CEP97: variants seen among roughly 807,000 people sequenced by gnomAD.
The protein encoded by CEP97 is centrosomal protein of 97 kDa.
A neutral mutation model predicts 73.1 loss-of-function variants in CEP97; 43 were observed. The observed-to-expected ratio is 0.59, with a 90% CI of 0.46 to 0.76. CEP97 has a LOEUF of 0.76. Ranked by LOEUF, CEP97 falls within the 30% of genes least tolerant of loss-of-function variation. The pLI is 0.00. For synonymous variants in CEP97, 337 were observed against 370.0 expected, an observed-to-expected ratio of 0.91 and a Z score of 1.02; for missense variants, 939 against 1,014.0, an observed-to-expected ratio of 0.93 and a Z score of 1.00.
At chr3:101,736,993 A>G (rs1938299793) in intron 6 of CEP97, among the ~76,000 whole-genome samples, 1 of 152,224 alleles carries the variant, frequency 6.6e-6, no homozygotes, top group Non-Finnish European at 1.5e-5. Flanking sequence ...TAGAGAGAAC[A>G]TAAATGACCT....
chr3:101,756,955 C>A, intron 7 of CEP97, 108 bp from the exon 8 acceptor site: 2 of 1,024,368 alleles, frequency 2.0e-6, no homozygotes, highest in Non-Finnish European at 2.8e-6. Flanking sequence ...AAAGTACCTA[C>A]TTTGAGAACT....
intron 7 of CEP97, among the ~76,000 whole-genome samples, chr3:101,756,448 C>G (rs534773236): frequency 5.3e-5 from 8 of 151,810 alleles, no homozygotes; most frequent in Non-Finnish European, 1.0e-4. Context: ...CTTGCATCTT[C>G]AGTCTCCTGG....
rs1463985798 is a variant in CEP97 at position 101,757,155 on chromosome 3, A to G, written c.986A>G (p.His329Arg). Reference sequence around the variant, plus strand: ...ACAAGGGCATCCCTTATTCCTGAGCATTCAAGCCCTGTTCAAGATTGCCAG... The same window carrying G: ...ACAAGGGCATCCCTTATTCCTGAGCGTTCAAGCCCTGTTCAAGATTGCCAG... Reference protein sequence around the residue: ...VETRASLIPEHSSPVQDCQIS... With the variant: ...VETRASLIPERSSPVQDCQIS... The change falls in exon 8 of 11, where the codon CAT becomes CGT. Residue 329 changes from histidine to arginine, a missense_variant. By Grantham distance (29) the His-to-Arg change is conservative. Coordinates refer to ENST00000341893, the MANE Select transcript of CEP97 (RefSeq NM_024548.4). 6.2e-7 allele frequency: 1 copy of G among 1,612,186 alleles called. No homozygotes were observed. The highest frequency in any genetic ancestry group is 1.1e-5 in the South Asian group (1 of 90,546).
At chr3:101,739,837 G>A (rs779445992) in intron 6 of CEP97, among the ~76,000 whole-genome samples, 27 of 151,370 alleles carry the variant, frequency 1.8e-4, no homozygotes, top group East Asian at 1.2e-3. Context: ...CCCGGGAGGC[G>A]TAGTTTGCAG....
In CEP97 at chr3:101,733,126, A is replaced by T. The variant is rs183973850; in HGVS notation, c.728+472A>T. Among the ~76,000 whole-genome samples the T allele has an allele frequency of 4.9e-4, 74 of 152,126 alleles. No individual in the cohort carries two copies. In the East Asian group the frequency reaches 0.014, roughly 29 times the overall value. The stretch of plus-strand genomic sequence containing the variant: ...TGACAGAGTGAGACCCTGTCTCTGA[A>T]AAAAAAAGAAGAAATCTCGGCCCCA... On this transcript the variant is annotated intron_variant, in intron 6 of 10. Coordinates refer to ENST00000341893, the MANE Select transcript of CEP97 (RefSeq NM_024548.4).
Position 101,769,312 on chromosome 3 carries a change from C to T in CEP97, c.*3761C>T. The T allele has an allele frequency of 6.7e-6, 1 of 150,212 alleles. No individual in the cohort carries two copies. Among genetic ancestry groups the T allele is most frequent in the African/African-American group, 2.5e-5 (1 of 40,784 alleles). The allele number at this position is 150,212 out of a possible 1,614,324, so 9.3% of individuals were successfully genotyped here. A position where few individuals can be genotyped will look rare whatever the true frequency, so the allele number is the denominator to read the frequency against. On this transcript the variant is annotated 3_prime_UTR_variant, in exon 11 of 11. Coordinates refer to ENST00000341893, the MANE Select transcript of CEP97 (RefSeq NM_024548.4). ...TCTCCATCATAAAGGAAAGAAGAGA[C>T]TTCATTGTGTGTGTGTTTTTTTTTT... is the stretch of plus-strand genomic sequence containing the variant.
chr3:101,755,277 G>T (rs141910043), intron 6 of CEP97, among the ~76,000 whole-genome samples, 153 bp from the exon 7 acceptor site: 67 of 152,238 alleles, frequency 4.4e-4, no homozygotes, highest in African/African-American at 1.6e-3. Flanking sequence ...GAGTCAGAAT[G>T]ATAGATTTTT....
chr3:101,752,997 G>A (rs1938883037), intron 6 of CEP97, among the ~76,000 whole-genome samples: 8 of 152,264 alleles, frequency 5.3e-5, no homozygotes, highest in Admixed American at 2.0e-4. Flanking sequence ...CAGTTTTTCT[G>A]CTCTGTTTTT....
intron 6 of CEP97, among the ~76,000 whole-genome samples, chr3:101,753,061 G>A (rs971948134): frequency 6.6e-6 from 1 of 152,204 alleles, no homozygotes; most frequent in Non-Finnish European, 1.5e-5. Context: ...GTGATGTACA[G>A]ATGGGTTTTT....
At chr3:101,763,176 A>G in intron 10 of CEP97, 5 of 1,267,438 alleles carry the variant, frequency 3.9e-6, no homozygotes, top group Non-Finnish European at 5.1e-6. Context: ...TTCCCTCCTC[A>G]GCCTCCCAAA....
intron 6 of CEP97, among the ~76,000 whole-genome samples, chr3:101,739,577 A>T (rs1392244935): frequency 2.0e-5 from 3 of 152,170 alleles, no homozygotes; most frequent in Non-Finnish European, 4.4e-5. Context: ...AAACCACATG[A>T]TTATCTCAAT....
Position 101,724,621 on chromosome 3 carries a change from A to G in CEP97, c.-56A>G. On this transcript the variant is annotated 5_prime_UTR_variant, in exon 1 of 11. Coordinates refer to ENST00000341893, the MANE Select transcript of CEP97 (RefSeq NM_024548.4). ...TTTCCGGCTCCCTCCTTCAGATTAC[A>G]AGCTCCACAGAGCCGCGGGAGGACG... is the stretch of plus-strand genomic sequence containing the variant. The G allele has an allele frequency of 6.2e-7, 1 of 1,605,994 alleles. No individual in the cohort carries two copies. Among genetic ancestry groups the G allele is most frequent in the South Asian group, 1.1e-5 (1 of 90,886 alleles).
At chr3:101,728,765 A>G (rs1217774779) in intron 3 of CEP97, 71 bp from the exon 4 acceptor site, 1 of 978,782 alleles carries the variant, frequency 1.0e-6, no homozygotes, top group Non-Finnish European at 1.6e-6. Flanking sequence ...TTTCAGCTGC[A>G]AAGAACTAGG....
chr3:101,745,738 T>C lies in CEP97; in HGVS notation c.729-9692T>C, dbSNP rs557021013. Among the ~76,000 whole-genome samples the C allele has an allele frequency of 2.0e-3, 306 of 151,586 alleles. 1 individual carries two copies. Among genetic ancestry groups the C allele is most frequent in the African/African-American group, 7.2e-3 (297 of 41,508 alleles). On this transcript the variant is annotated intron_variant, in intron 6 of 10. Coordinates refer to ENST00000341893, the MANE Select transcript of CEP97 (RefSeq NM_024548.4). ...TTATTTTGTTTATTTTTTTGAATTT[T>C]ATTTATTTATTTATTTATTTAAATT... is the stretch of plus-strand genomic sequence containing the variant.
chr3:101,731,623 A>T (rs1243441870), intron 4 of CEP97, among the ~76,000 whole-genome samples: 1 of 152,212 alleles, frequency 6.6e-6, no homozygotes, highest in African/African-American at 2.4e-5. Flanking sequence ...CAAGTCTTTA[A>T]AATATCATGA....
At chr3:101,746,803 A>G (rs1261893112) in intron 6 of CEP97, among the ~76,000 whole-genome samples, 1 of 151,250 alleles carries the variant, frequency 6.6e-6, no homozygotes, top group Non-Finnish European at 1.5e-5. Context: ...AATATCCAGA[A>G]TCTACAATGA....
rs1220847611 is a variant in CEP97 at position 101,765,058 on chromosome 3, G to T, written c.2105G>T (p.Gly702Val). Residue 702 changes from glycine to valine, a missense_variant, in exon 11 of 11, where the codon GGT (glycine) becomes GTT (valine). Gly to Val is a moderately radical substitution (Grantham distance 109). Transcript: ENST00000341893. ...TCATTACCAGAATTTCCAGACTCTG[G>T]TTTTCATTCCTCTCTAACAGAACAA... ...EKSLPEFPDS[G>V]FHSSLTEQVH... The T allele has an allele frequency of 1.9e-6, 3 of 1,613,978 alleles. No individual in the cohort carries two copies. Among genetic ancestry groups the T allele is most frequent in the Admixed American group, 1.7e-5 (1 of 59,984 alleles).
chr3:101,727,198 T>C (rs1483816538), intron 2 of CEP97, among the ~76,000 whole-genome samples, 185 bp from the exon 3 acceptor site: 1 of 152,186 alleles, frequency 6.6e-6, no homozygotes, highest in East Asian at 1.9e-4. Context: ...TATTTTCTAT[T>C]GCCCAGGAAC....
At position 101,755,647 on chromosome 3, in the gene CEP97, G is replaced by C. The variant is rs887428397; in HGVS notation, c.893+53G>C. 3.4e-5 allele frequency: 53 copies of C among 1,566,930 alleles called. No individual in the cohort carries two copies. In the African/African-American group the frequency reaches 5.8e-4, roughly 17 times the overall value. ...TGAATTCACAAGTTAAAATACCTCTGAGTCTTTGCTATGGTGATAGTAAGC... is the reference window on the plus strand; with the variant it reads ...TGAATTCACAAGTTAAAATACCTCTCAGTCTTTGCTATGGTGATAGTAAGC... On this transcript the variant is annotated intron_variant, in intron 7 of 10. Transcript: ENST00000341893.
Sources: gnomAD v4.1 joint callset for allele counts (sites outside exome capture counted in the v4.1 genomes callset) on GRCh38, gnomAD v4.1.1 for gene constraint, MANE v1.5 for transcripts, NCBI Gene and HGNC (gene_info 2026-07-23, HGNC 2026-07-21) for gene names.